Variants in USP49 observed in about 807,000 individuals in gnomAD.
USP49 encodes the protein ubiquitin specific peptidase 49.
A neutral mutation model predicts 58.6 loss-of-function variants in USP49; 24 were observed. The ratio of observed to expected loss-of-function variants is 0.41; its 90% confidence interval spans 0.30 to 0.58. The LOEUF (loss-of-function observed/expected upper bound fraction) is 0.58. Among genes scored for constraint, USP49 ranks in the 20% least tolerant of loss-of-function variants. The probability of loss-of-function intolerance (pLI) is 0.30; values close to 1 mark genes in which losing one functional copy is unlikely to be tolerated. For missense variants in USP49, 703 were observed against 866.1 expected, an observed-to-expected ratio of 0.81 and a Z score of 2.36; for synonymous variants, 408 against 365.1, an observed-to-expected ratio of 1.12 and a Z score of -1.34.
intron 3 of USP49, among the ~76,000 whole-genome samples, chr6:41,832,657 A>AT (rs1419542917): frequency 6.6e-6 from 1 of 152,178 alleles, no homozygotes; most frequent in African/African-American, 2.4e-5. Context: ...ATGAAAGGGT[A>AT]TTTTTGGCAA....
At chr6:41,804,444 T>C (rs1416757332) in intron 4 of USP49, among the ~76,000 whole-genome samples, 3 of 152,156 alleles carry the variant, frequency 2.0e-5, no homozygotes, top group Non-Finnish European at 4.4e-5. Flanking sequence ...TTTTTGCCTT[T>C]GTTACTTGCA....
chr6:41,828,171 G>A (rs182870728), intron 3 of USP49, among the ~76,000 whole-genome samples: 99 of 152,178 alleles, frequency 6.5e-4, no homozygotes, highest in South Asian at 1.2e-3. Flanking sequence ...GCGGCTGGGC[G>A]TGGTGGCTCA....
intron 3 of USP49, among the ~76,000 whole-genome samples, chr6:41,825,015 G>A (rs997589890): frequency 6.6e-6 from 1 of 152,166 alleles, no homozygotes; most frequent in African/African-American, 2.4e-5. Context: ...AGAGGACTGG[G>A]CCCTAACTTG....
At position 41,794,491 on chromosome 6, in the gene USP49, C is replaced by G. The variant is rs1772853285; in HGVS notation, c.*2042G>C. ...TTTCTAGAATAATAAATATAGGATTCAATGAAAGATGAGGCACGATTCATA... is the reference window on the plus strand; with the variant it reads ...TTTCTAGAATAATAAATATAGGATTGAATGAAAGATGAGGCACGATTCATA... On this transcript the variant is annotated 3_prime_UTR_variant, in exon 8 of 8. Coordinates refer to ENST00000682992, the MANE Select transcript of USP49 (RefSeq NM_001286554.2). 6.6e-6 allele frequency: 1 copy of G among 152,130 alleles called. No homozygotes were observed. Among genetic ancestry groups the G allele is most frequent in the South Asian group, 2.1e-4 (1 of 4,828 alleles). 9.4% of individuals were successfully genotyped at this position (152,130 alleles called of 1,614,324 possible). A position where few individuals can be genotyped will look rare whatever the true frequency, so the allele number is the denominator to read the frequency against.
At chr6:41,861,710 T>TA (rs1199645155) in intron 3 of USP49, among the ~76,000 whole-genome samples, 1 of 147,458 alleles carries the variant, frequency 6.8e-6, no homozygotes, top group Non-Finnish European at 1.5e-5. Flanking sequence ...ACGTCACTCT[T>TA]TTTTTTTTTT....
At chr6:41,883,900 A>G (rs1286990466) in intron 2 of USP49, among the ~76,000 whole-genome samples, 1 of 152,092 alleles carries the variant, frequency 6.6e-6, no homozygotes, top group African/African-American at 2.4e-5. Flanking sequence ...CATGTGCAAG[A>G]CTGTTACTGG....
chr6:41,795,675 G>C lies in USP49; in HGVS notation c.*858C>G, dbSNP rs991529634. On this transcript the variant is annotated 3_prime_UTR_variant, in exon 8 of 8. Transcript: ENST00000682992. ...CAGCTATCTCTGCCCACCCTCAATT[G>C]AGTTCTGAGAAAACCTAAGAATCAA... 2.6e-5 allele frequency: 4 copies of C among 152,206 alleles called. No individual in the cohort carries two copies. The highest frequency in any genetic ancestry group is 1.3e-4 in the Admixed American group (2 of 15,272). 9.4% of individuals were successfully genotyped at this position (152,206 alleles called of 1,614,324 possible).
Position 41,805,904 on chromosome 6 carries a change from T to C in USP49, c.1080A>G (p.Glu360=). Residue 360 remains glutamate, a synonymous_variant, in exon 4 of 8, where the codon GAA becomes GAG. Coordinates refer to ENST00000682992, the MANE Select transcript of USP49 (RefSeq NM_001286554.2). The part of the protein sequence containing the change: ...PSSKHISLCR[E]LHTLFRVMWS... Reference sequence around the variant, plus strand: ...ACATGACTCGGAAGAGGGTGTGCAGTTCACGGCAGAGGGAAATGTGCTTTG... The same window carrying C: ...ACATGACTCGGAAGAGGGTGTGCAGCTCACGGCAGAGGGAAATGTGCTTTG... 6.2e-7 allele frequency: 1 copy of C among 1,613,980 alleles called. No individual in the cohort carries two copies.
At chr6:41,829,932 A>G (rs1773606929) in intron 3 of USP49, among the ~76,000 whole-genome samples, 2 of 152,216 alleles carry the variant, frequency 1.3e-5, no homozygotes, top group Admixed American at 1.3e-4. Flanking sequence ...TAAGAAAATA[A>G]GAAGAACTTC....
intron 2 of USP49, among the ~76,000 whole-genome samples, chr6:41,887,942 C>T (rs1481355750): frequency 6.6e-6 from 1 of 151,958 alleles, no homozygotes; most frequent in African/African-American, 2.4e-5. Context: ...TTAAAAATAG[C>T]CCATGTCTCC....
intron 3 of USP49, among the ~76,000 whole-genome samples, chr6:41,861,272 T>C (rs1312984161): frequency 6.6e-6 from 1 of 151,360 alleles, no homozygotes; most frequent in African/African-American, 2.4e-5. Context: ...TGAAACCCTG[T>C]CTCTACTAAA....
rs749581690 is a variant in USP49, at chr6:41,861,708, C to CT, written c.-29+9855dup. ...CCCATATATCTGGCTTTACGTCACT[C>CT]TTTTTTTTTTTTTGAGATGGAGTCT... is the stretch of plus-strand genomic sequence containing the variant. On this transcript the variant is annotated intron_variant, in intron 3 of 7. Transcript: ENST00000682992. Among the ~76,000 whole-genome samples, 1,323 of 145,282 alleles carry CT rather than the reference C, an allele frequency of 9.1e-3. 13 individuals carry two copies. Among genetic ancestry groups the CT allele is most frequent in the African/African-American group, 0.025 (986 of 39,912 alleles).
In USP49 at chr6:41,796,480, A is replaced by T. The variant is rs924249495; in HGVS notation, c.*53T>A. The T allele has an allele frequency of 1.4e-6, 1 of 697,332 alleles. No homozygotes were observed. The highest frequency in any genetic ancestry group is 2.7e-6 in the Non-Finnish European group (1 of 374,602). The allele number at this position is 697,332 out of a possible 1,614,324, so 43.2% of individuals were successfully genotyped here. On this transcript the variant is annotated 3_prime_UTR_variant, in exon 8 of 8. Coordinates refer to ENST00000682992, the MANE Select transcript of USP49 (RefSeq NM_001286554.2). ...AGTAGCCTTATTTCCTATAAGAGGA[A>T]AGATGTATGGACACCAATACACAAA...
intron 3 of USP49, among the ~76,000 whole-genome samples, chr6:41,869,172 T>C (rs1474026657): frequency 6.7e-6 from 1 of 150,340 alleles, no homozygotes; most frequent in Non-Finnish European, 1.5e-5. Flanking sequence ...CTTAAAATAG[T>C]TAATTGTCTA....
intron 3 of USP49, among the ~76,000 whole-genome samples, chr6:41,859,625 C>T (rs1774186454): frequency 6.6e-6 from 1 of 152,042 alleles, no homozygotes; most frequent in African/African-American, 2.4e-5. Context: ...AATTAAAGAC[C>T]GAGTGAATAA....
intron 3 of USP49, among the ~76,000 whole-genome samples, chr6:41,826,503 G>A (rs1208763755): frequency 6.6e-6 from 1 of 152,172 alleles, no homozygotes; most frequent in Non-Finnish European, 1.5e-5. Context: ...GACATGATTT[G>A]CTCCTTAATG....
rs1406008908 is a variant in USP49, at chr6:41,790,269, G to A, written c.*6264C>T. On this transcript the variant is annotated 3_prime_UTR_variant, in exon 8 of 8. Transcript: ENST00000682992. ...GCAGAAAGAGGGCAGTGATGTGTAG[G>A]GGGAGGCAAAGTGAAGTAAGCCTGG... 6.6e-6 allele frequency: 1 copy of A among 152,174 alleles called. No homozygotes were observed. Among genetic ancestry groups the A allele is most frequent in the Non-Finnish European group, 1.5e-5 (1 of 68,040 alleles). 9.4% of individuals were successfully genotyped at this position (152,174 alleles called of 1,614,324 possible).
chr6:41,835,635 A>C (rs1773710381), intron 3 of USP49, among the ~76,000 whole-genome samples: 1 of 151,434 alleles, frequency 6.6e-6, no homozygotes, highest in African/African-American at 2.4e-5. Context: ...AATCACTTGA[A>C]CCCAAGAGGC....
chr6:41,831,521 A>G (rs1415931423), intron 3 of USP49, among the ~76,000 whole-genome samples: 2 of 151,406 alleles, frequency 1.3e-5, no homozygotes, highest in Non-Finnish European at 2.9e-5. Context: ...CAGAGGTTGC[A>G]GTGAGCCGAG....
Sources: allele counts gnomAD v4.1 joint callset (sites outside exome capture counted in the v4.1 genomes callset), GRCh38; gene constraint gnomAD v4.1.1; transcripts MANE v1.5; gene names NCBI Gene and HGNC (gene_info 2026-07-23, HGNC 2026-07-21).